KLHL10: variants seen among roughly 807,000 people sequenced by gnomAD.
The protein encoded by KLHL10 is kelch-like protein 10.
A neutral mutation model predicts 46.6 loss-of-function variants in KLHL10; 11 were observed. That is an observed-to-expected ratio of 0.24 (90% confidence interval 0.15 to 0.39). The LOEUF is 0.39. Ranked by LOEUF, KLHL10 falls within the 10% of genes least tolerant of loss-of-function variation. The pLI, the probability that KLHL10 is intolerant of heterozygous loss-of-function variation, is 1.00. For synonymous variants in KLHL10, 254 were observed against 279.1 expected (o/e 0.91, Z 0.90); for missense variants, 475 against 789.8 (o/e 0.60, Z 4.78).
chr17:41,843,511 C>CAAA (rs879983952), intron 2 of KLHL10, among the ~76,000 whole-genome samples: 2 of 95,830 alleles, frequency 2.1e-5, no homozygotes, highest in African/African-American at 6.7e-5. Context: ...CTCAAATTAA[C>CAAA]AAAAAAAAAA....
At chr17:41,846,160 C>T (rs1360395084) in intron 3 of KLHL10, among the ~76,000 whole-genome samples, 4 of 150,160 alleles carry the variant, frequency 2.7e-5, no homozygotes, top group African/African-American at 9.8e-5. Context: ...TTCAGTGAGC[C>T]AAGATGGCGC....
At chr17:41,846,237 T>A (rs2048284162) in intron 3 of KLHL10, among the ~76,000 whole-genome samples, 1 of 147,734 alleles carries the variant, frequency 6.8e-6, no homozygotes. Context: ...AAAAAAGTAA[T>A]GCAGGCTGGG....
chr17:41,845,933 C>T (rs1028435086), intron 3 of KLHL10, 190 bp downstream of exon 3: 19 of 789,362 alleles, frequency 2.4e-5, no homozygotes, highest in South Asian at 1.9e-4. Flanking sequence ...AATGCAAAGC[C>T]GGGCACGGTG....
chr17:41,837,779 C>T (rs1421951380), upstream of KLHL10: 8 of 1,467,878 alleles, frequency 5.5e-6, no homozygotes, highest in Non-Finnish European at 7.2e-6. Flanking sequence ...TGTGTGATCT[C>T]ACTGCAGGGC....
intron 1 of KLHL10, among the ~76,000 whole-genome samples, chr17:41,838,720 A>G (rs1175618386): frequency 1.5e-5 from 2 of 132,420 alleles, no homozygotes; most frequent in African/African-American, 5.9e-5. Context: ...GATGAGTCTC[A>G]TTCTGTTACC....
chr17:41,837,630 C>A, upstream of KLHL10: 2 of 1,134,148 alleles, frequency 1.8e-6, no homozygotes, highest in Non-Finnish European at 2.3e-6. Context: ...TCAGATGGTG[C>A]TAGTGGTCAT....
chr17:41,845,475 G>C lies in KLHL10; in HGVS notation c.1034G>C (p.Gly345Ala). Residue 345 changes from glycine to alanine, a missense_variant, in exon 3 of 5, where the codon GGG becomes GCG. By Grantham distance (60) the Gly-to-Ala change is moderately conservative (BLOSUM62 0). Transcript: ENST00000293303. The part of the protein sequence containing the change: ...AYLKGYVYII[G>A]GFDSVDYFNS... The stretch of plus-strand genomic sequence containing the variant: ...TTGAAAGGCTATGTGTATATCATTG[G>C]GGGGTTTGATAGTGTAGACTATTTC... The C allele has an allele frequency of 6.2e-7, 1 of 1,614,200 alleles. No individual in the cohort carries two copies. The highest frequency in any genetic ancestry group is 8.5e-7 in the Non-Finnish European group (1 of 1,180,048).
In KLHL10 at chr17:41,848,238, C is replaced by A; in HGVS notation, c.1758C>A (p.Asp586Glu). The change falls in exon 5 of 5, where the codon GAC (aspartate) becomes GAA (glutamate). Residue 586 changes from aspartate (D) to glutamate (E), a missense_variant. By Grantham distance (45) the Asp-to-Glu change is conservative. Transcript: ENST00000293303. ...TTGAGGAATATGCAGCTAGACGGGA[C>A]AACTTCCCAGGATTAGCACTGCGAG... ...ANVEEYAARR[D>E]NFPGLALRDE... The A allele has an allele frequency of 6.2e-7, 1 of 1,613,958 alleles. No homozygotes were observed. The highest frequency in any genetic ancestry group is 8.5e-7 in the Non-Finnish European group (1 of 1,179,940).
chr17:41,847,101 C>T (rs2048296850), intron 3 of KLHL10, among the ~76,000 whole-genome samples, 160 bp from the exon 4 acceptor site: 1 of 152,058 alleles, frequency 6.6e-6, no homozygotes, highest in Non-Finnish European at 1.5e-5. Flanking sequence ...GAGCGAGACT[C>T]TGTCTCTAAA....
intron 4 of KLHL10, 79 bp from the exon 5 acceptor site, chr17:41,847,854 C>T (rs1272569046): frequency 6.3e-7 from 1 of 1,576,362 alleles, no homozygotes; most frequent in African/African-American, 1.3e-5. Flanking sequence ...TATGAGATCA[C>T]TGGTACCCCC....
upstream of KLHL10, chr17:41,837,783 G>A: frequency 6.8e-7 from 1 of 1,479,028 alleles, no homozygotes; most frequent in Non-Finnish European, 8.9e-7. Context: ...TGATCTCACT[G>A]CAGGGCCAGG....
chr17:41,835,716 C>G (rs1232740590), upstream of KLHL10: 1 of 883,968 alleles, frequency 1.1e-6, no homozygotes, highest in African/African-American at 1.7e-5. Flanking sequence ...GCGAACCAAC[C>G]CGCTCTCCTT....
intron 2 of KLHL10, among the ~76,000 whole-genome samples, chr17:41,842,586 G>A (rs2048237499): frequency 6.6e-6 from 1 of 152,130 alleles, no homozygotes; most frequent in African/African-American, 2.4e-5. Flanking sequence ...GGAGGCCGAG[G>A]TGGAGAATCA....
At chr17:41,836,569 T>A (rs1555620107), upstream of KLHL10, 2 of 525,644 alleles carry the variant, frequency 3.8e-6, no homozygotes. Context: ...ATACCTGTAA[T>A]CCCAGGACTT....
chr17:41,848,372 A>G lies in KLHL10; in HGVS notation c.*65A>G. The G allele has an allele frequency of 6.5e-7, 1 of 1,546,994 alleles. No homozygotes were observed. Among genetic ancestry groups the G allele is most frequent in the Non-Finnish European group, 8.8e-7 (1 of 1,141,800 alleles). On this transcript the variant is annotated 3_prime_UTR_variant, in exon 5 of 5. Coordinates refer to ENST00000293303, the MANE Select transcript of KLHL10 (RefSeq NM_152467.5). Reference sequence around the variant, plus strand: ...ATTAATTCTTTTTTTAAAAAAATGCAGTGTTTAAACTTTGAAGAGTACTGG... The same window carrying G: ...ATTAATTCTTTTTTTAAAAAAATGCGGTGTTTAAACTTTGAAGAGTACTGG...
At chr17:41,847,184 CACT>C (rs1180268253) in intron 3 of KLHL10, 74 bp from the exon 4 acceptor site, 101 of 1,288,258 alleles carry the variant, frequency 7.8e-5, no homozygotes, top group Non-Finnish European at 1.1e-4. Context: ...ATTAAGTGCC[CACT>C]ACCACCACAC....
At chr17:41,840,782 A>G (rs1555620634) in intron 1 of KLHL10, among the ~76,000 whole-genome samples, 1 of 151,774 alleles carries the variant, frequency 6.6e-6, no homozygotes, top group East Asian at 1.9e-4. Flanking sequence ...TAGAGGAAGA[A>G]TTTGATTTCT....
At chr17:41,838,189 C>T (rs1438866308) in intron 1 of KLHL10, 63 bp downstream of exon 1, 1 of 1,358,092 alleles carries the variant, frequency 7.4e-7, no homozygotes, top group Non-Finnish European at 1.1e-6. Context: ...ACACTTTGAT[C>T]CATTTTCTGT....
At chr17:41,842,369 C>A in intron 2 of KLHL10, 57 bp downstream of exon 2, 1 of 1,604,458 alleles carries the variant, frequency 6.2e-7, no homozygotes, top group Non-Finnish European at 8.5e-7. Context: ...AAGCAAAATT[C>A]AGACATATGA....
Sources: gnomAD v4.1 joint callset for allele counts (sites outside exome capture counted in the v4.1 genomes callset) on GRCh38, gnomAD v4.1.1 for gene constraint, MANE v1.5 for transcripts, NCBI Gene and HGNC (gene_info 2026-07-23, HGNC 2026-07-21) for gene names.